Variants in ABLIM1 observed in about 807,000 individuals in gnomAD.
ABLIM1 encodes actin-binding LIM protein 1.
In ABLIM1, 40 loss-of-function variants were observed where a neutral mutation model predicts 107.0. The observed-to-expected ratio is 0.37, with a 90% confidence interval of 0.29 to 0.49. The LOEUF is 0.49. ABLIM1 is among the 20% of genes least tolerant of loss of function. The probability of loss-of-function intolerance (pLI) is 0.97; values close to 1 mark genes in which losing one functional copy is unlikely to be tolerated. For missense variants in ABLIM1, 857 were observed against 1,008.5 expected, an observed-to-expected ratio of 0.85 and a Z score of 2.04; for synonymous variants, 357 against 357.3, an observed-to-expected ratio of 1.00 and a Z score of 0.01.
At chr10:114,782,233 GAACTTTTT>G in the ABLIM1 span, among the ~76,000 whole-genome samples, 2 of 152,074 alleles carry the variant, frequency 1.3e-5, no homozygotes, top group African/African-American at 4.8e-5. Context: ...CTCATGCTAA[GAACTTTTT>G]AATACTTTTT....
the ABLIM1 span, among the ~76,000 whole-genome samples, chr10:114,773,911 T>C: frequency 2.0e-5 from 3 of 150,728 alleles, no homozygotes; most frequent in African/African-American, 7.3e-5. Flanking sequence ...CATTAAAAAG[T>C]ATGAGATAGA....
intron 2 of ABLIM1, among the ~76,000 whole-genome samples, chr10:114,595,733 C>T (rs192692185): frequency 6.6e-6 from 1 of 152,272 alleles, no homozygotes; most frequent in East Asian, 1.9e-4. Context: ...TAATTACCAC[C>T]CGGGTACATT....
At chr10:114,438,855 C>T (rs931643430) in intron 21 of ABLIM1, among the ~76,000 whole-genome samples, 1 of 152,228 alleles carries the variant, frequency 6.6e-6, no homozygotes, top group Non-Finnish European at 1.5e-5. Context: ...GGTTGCCTCA[C>T]CTACATGGTG....
At chr10:114,649,301 G>A (rs1011234112) in intron 1 of ABLIM1, among the ~76,000 whole-genome samples, 1 of 151,700 alleles carries the variant, frequency 6.6e-6, no homozygotes, top group African/African-American at 2.4e-5. Flanking sequence ...CCCAGAAGGC[G>A]GAGGCACAGA....
At position 114,441,014 on chromosome 10, in the gene ABLIM1, C is replaced by T. The variant is rs2060117696; in HGVS notation, c.2059+3G>A. The T allele has an allele frequency of 1.9e-6, 3 of 1,586,040 alleles. No individual in the cohort carries two copies. The highest frequency in any genetic ancestry group is 2.6e-6 in the Non-Finnish European group (3 of 1,164,868). On this transcript the variant is annotated splice_donor_region_variant and intron_variant, in intron 19 of 22. Coordinates refer to ENST00000533213, the MANE Select transcript of ABLIM1 (RefSeq NM_002313.7). The stretch of plus-strand genomic sequence containing the variant: ...ATGCTCAGCCTGGCCATGGGAGCCT[C>T]ACCTCGCACTCCCCCGCTGACATCC...
At chr10:114,796,846 T>TGTTG in the ABLIM1 span, among the ~76,000 whole-genome samples, 1 of 152,210 alleles carries the variant, frequency 6.6e-6, no homozygotes, top group Non-Finnish European at 1.5e-5. Context: ...CTTGTAGACT[T>TGTTG]CTGGGCCATG....
intron 14 of ABLIM1, among the ~76,000 whole-genome samples, chr10:114,451,141 T>A (rs2061822959): frequency 6.6e-6 from 1 of 152,158 alleles, no homozygotes; most frequent in African/African-American, 2.4e-5. Flanking sequence ...TTAGCCTGTA[T>A]CCTGTCCACT....
rs2073183019 is a variant in ABLIM1 at position 114,580,192 on chromosome 10, T to TATAATATATA, written c.380-4594_380-4593insTATATATTAT. Among the ~76,000 whole-genome samples the TATAATATATA allele has an allele frequency of 2.2e-5, 3 of 135,910 alleles. No individual in the cohort carries two copies. In the South Asian group the frequency reaches 6.9e-4, roughly 31 times the overall value. 89.2% of individuals were successfully genotyped at this position (135,910 alleles called of 152,430 possible). A position where few individuals can be genotyped will look rare whatever the true frequency, so the allele number is the denominator to read the frequency against. ...ATAACCCACTCCTTTATTTTAATAT[T>TATAATATATA]ATATATTATATATTATATATATATA... On this transcript the variant is annotated intron_variant, in intron 2 of 22. Transcript: ENST00000533213.
rs186714482 is a variant in ABLIM1 at position 114,713,304 on chromosome 10, T to C, written c.-213+54757A>G. Among the ~76,000 whole-genome samples, 28 of 152,258 alleles carry C rather than the reference T, an allele frequency of 1.8e-4. No homozygotes were observed. The East Asian group carries it at 3.1e-3, about 17-fold the overall frequency. On this transcript the variant is annotated intron_variant, in intron 1 of 15. Transcript: ENST00000651092. Reference sequence around the variant, plus strand: ...GTCTTTGCTCTGGAACCAGGATAAATGGAATGGCAAAGATCCCACTTCTCA... The same window carrying C: ...GTCTTTGCTCTGGAACCAGGATAAACGGAATGGCAAAGATCCCACTTCTCA...
intron 1 of ABLIM1, among the ~76,000 whole-genome samples, chr10:114,642,669 G>C (rs935653962): frequency 4.6e-5 from 7 of 152,090 alleles, no homozygotes; most frequent in Non-Finnish European, 1.0e-4. Flanking sequence ...AGAGACAGCT[G>C]AATTCACAGA....
intron 1 of ABLIM1, among the ~76,000 whole-genome samples, chr10:114,743,837 C>G (rs2082332077): frequency 6.6e-6 from 1 of 152,078 alleles, no homozygotes; most frequent in Non-Finnish European, 1.5e-5. Flanking sequence ...CAAGGTCTAA[C>G]CTTCATAAAA....
intron 2 of ABLIM1, among the ~76,000 whole-genome samples, chr10:114,588,817 T>G (rs2074489814): frequency 6.6e-6 from 1 of 152,126 alleles, no homozygotes; most frequent in Admixed American, 6.6e-5. Context: ...AAATACTCTT[T>G]CTTTTGTCCT....
rs556446347 is a variant in ABLIM1 at position 114,601,625 on chromosome 10, C to T, written c.379+202G>A. 1.9e-3 allele frequency: 1,527 copies of T among 799,922 alleles called. 2 individuals carry two copies. Among genetic ancestry groups the T allele is most frequent in the Non-Finnish European group, 2.6e-3 (1,259 of 479,174 alleles). 49.6% of individuals were successfully genotyped at this position (799,922 alleles called of 1,614,324 possible). A position where few individuals can be genotyped will look rare whatever the true frequency, so the allele number is the denominator to read the frequency against. On this transcript the variant is annotated intron_variant, in intron 2 of 22. Transcript: ENST00000533213. The stretch of plus-strand genomic sequence containing the variant: ...AGGGGCCTCAGTGAGCACCCAAAGG[C>T]CCACGAATCACTGGTTTTAGCAGGA...
At chr10:114,587,309 TC>T (rs1293648296) in intron 2 of ABLIM1, among the ~76,000 whole-genome samples, 2 of 152,130 alleles carry the variant, frequency 1.3e-5, no homozygotes, top group African/African-American at 4.8e-5. Context: ...AGATATCATT[TC>T]CCACACCCTC....
At chr10:114,633,545 G>T (rs1047521491) in intron 1 of ABLIM1, among the ~76,000 whole-genome samples, 1 of 151,962 alleles carries the variant, frequency 6.6e-6, no homozygotes, top group Non-Finnish European at 1.5e-5. Context: ...ACCACTCCCC[G>T]CACCCATGGC....
chr10:114,473,130 TG>T lies in ABLIM1; in HGVS notation c.1121del (p.Ala374GlufsTer3). 6.2e-7 allele frequency: 1 copy of T among 1,607,586 alleles called. No individual in the cohort carries two copies. The highest frequency in any genetic ancestry group is 8.5e-7 in the Non-Finnish European group (1 of 1,176,232). On this transcript the variant is annotated frameshift_variant and splice_region_variant, in exon 10 of 23. Transcript: ENST00000533213. LOFTEE classifies it high-confidence loss of function. ...IPGSPGHTIY[A>X]KVDNEILDYK... ...AATCCAGGATCTCATTGTCTACTTT[TG>T]CCTGGCAAAGTTAACCAGAAAGAAC...
At position 114,436,428 on chromosome 10, in the gene ABLIM1, T is replaced by C; in HGVS notation, c.2224-55A>G. The C allele has an allele frequency of 5.1e-6, 7 of 1,368,846 alleles. No individual in the cohort carries two copies. In the Middle Eastern group the frequency reaches 7.3e-4, roughly 143 times the overall value. The allele number at this position is 1,368,846 out of a possible 1,614,324, so 84.8% of individuals were successfully genotyped here. A position where few individuals can be genotyped will look rare whatever the true frequency, so the allele number is the denominator to read the frequency against. On this transcript the variant is annotated intron_variant, in intron 22 of 22. Coordinates refer to ENST00000533213, the MANE Select transcript of ABLIM1 (RefSeq NM_002313.7). ...CTGTCAGTCCTGATGGCCACACAAA[T>C]GGCCTTGAGCGTTGCTCTATAGTTT...
At chr10:114,500,775 A>C (rs2060321402) in intron 6 of ABLIM1, among the ~76,000 whole-genome samples, 1 of 149,030 alleles carries the variant, frequency 6.7e-6, no homozygotes, top group Non-Finnish European at 1.5e-5. Flanking sequence ...AGGGAAGGGA[A>C]GGGAAGGGAA....
At chr10:114,764,230 A>G (rs1358864268) in intron 1 of ABLIM1, among the ~76,000 whole-genome samples, 5 of 152,254 alleles carry the variant, frequency 3.3e-5, no homozygotes, top group Non-Finnish European at 5.9e-5. Flanking sequence ...AAATACCACA[A>G]GATGGGAATG....
Sources: allele counts gnomAD v4.1 joint callset (sites outside exome capture counted in the v4.1 genomes callset), GRCh38; gene constraint gnomAD v4.1.1; transcripts MANE v1.5; gene names NCBI Gene and HGNC (gene_info 2026-07-23, HGNC 2026-07-21).